ANO2: variants seen among roughly 807,000 people sequenced by gnomAD.
The protein encoded by ANO2 is anoctamin-2.
In ANO2, 101 loss-of-function variants were observed where a neutral mutation model predicts 124.2. The observed-to-expected ratio is 0.81, with a 90% CI of 0.69 to 0.96. The LOEUF (loss-of-function observed/expected upper bound fraction) is 0.96, where lower values mean the gene tolerates loss of function less well. Ranked by LOEUF, ANO2 falls within the 40% of genes least tolerant of loss-of-function variation. The probability of loss-of-function intolerance (pLI) is 0.00; values close to 1 mark genes in which losing one functional copy is unlikely to be tolerated. For missense variants in ANO2, 1,293 were observed against 1,274.5 expected, an observed-to-expected ratio of 1.01 and a Z score of -0.22; for synonymous variants, 486 against 482.5, an observed-to-expected ratio of 1.01 and a Z score of -0.09.
Position 5,750,945 on chromosome 12 carries a change from G to A in ANO2, c.1081C>T (p.Leu361=), listed in dbSNP as rs1951416927. Residue 361 remains leucine, a synonymous_variant, in exon 11 of 25, where the codon CTG becomes TTG. Transcript: ENST00000682330. ...TATAATCCCAGCCAGGCAAAATACA[G>A]TCCAATTTTTTCTCCAAAATACTTT... The part of the protein sequence containing the change: ...IRKYFGEKIG[L]YFAWLGLYTS... 1 of 1,604,858 alleles carries A rather than the reference G, an allele frequency of 6.2e-7. No homozygotes were observed. Among genetic ancestry groups the A allele is most frequent in the Non-Finnish European group, 8.5e-7 (1 of 1,175,484 alleles).
intron 10 of ANO2, among the ~76,000 whole-genome samples, chr12:5,752,769 C>T (rs781187944): frequency 2.0e-5 from 3 of 152,102 alleles, no homozygotes; most frequent in Admixed American, 6.5e-5. Context: ...GTTGCTTGTG[C>T]TTTCTGTGCC....
chr12:5,687,070 T>C (rs546767152), intron 14 of ANO2, among the ~76,000 whole-genome samples: 38 of 152,124 alleles, frequency 2.5e-4, no homozygotes, highest in Non-Finnish European at 4.6e-4. Flanking sequence ...ATCTAGGAAA[T>C]ATAGAAAATC....
intron 16 of ANO2, among the ~76,000 whole-genome samples, chr12:5,621,594 A>C (rs1007035252): frequency 6.6e-6 from 1 of 152,188 alleles, no homozygotes; most frequent in Non-Finnish European, 1.5e-5. Context: ...GGGAATTTTC[A>C]TTAAGTGCTG....
At chr12:5,885,753 G>A (rs777205640) in intron 3 of ANO2, among the ~76,000 whole-genome samples, 3 of 152,100 alleles carry the variant, frequency 2.0e-5, no homozygotes, top group Non-Finnish European at 4.4e-5. Context: ...GGGATATTGA[G>A]GACTGTCCAT....
chr12:5,796,187 ACT>A (rs754902231), intron 10 of ANO2, among the ~76,000 whole-genome samples: 14 of 150,360 alleles, frequency 9.3e-5, no homozygotes, highest in East Asian at 7.9e-4. Flanking sequence ...TCATGCACAC[ACT>A]CTCTCACATA....
rs144218083 is a variant in ANO2, at chr12:5,564,083, T to G, written c.2728-515A>C. 5.3e-5 allele frequency among the ~76,000 whole-genome samples: 8 copies of G among 152,342 alleles called. No homozygotes were observed. The East Asian group carries it at 1.5e-3, about 29-fold the overall frequency. ...CTATCCTCTACACTAGAGACGGACT[T>G]GAGGTTTTTGCCTTGACTTCGGGCC... On this transcript the variant is annotated intron_variant, in intron 24 of 24. Transcript: ENST00000682330.
chr12:5,794,854 G>C (rs930107635), intron 10 of ANO2, among the ~76,000 whole-genome samples: 1 of 152,194 alleles, frequency 6.6e-6, no homozygotes, highest in African/African-American at 2.4e-5. Context: ...GAAAAATCAA[G>C]GAGAAAGCAG....
chr12:5,872,550 A>T (rs1591722423), intron 3 of ANO2, among the ~76,000 whole-genome samples: 1 of 152,304 alleles, frequency 6.6e-6, no homozygotes, highest in South Asian at 2.1e-4. Flanking sequence ...AAGAGCCTCA[A>T]ATCATGCTAC....
intron 20 of ANO2, among the ~76,000 whole-genome samples, chr12:5,589,064 G>A (rs1004024216): frequency 6.6e-6 from 1 of 152,234 alleles, no homozygotes; most frequent in African/African-American, 2.4e-5. Context: ...AGACGAGGGT[G>A]CAGAGAAATC....
chr12:5,644,024 C>T (rs1222627182), intron 15 of ANO2, among the ~76,000 whole-genome samples: 1 of 152,122 alleles, frequency 6.6e-6, no homozygotes, highest in Non-Finnish European at 1.5e-5. Flanking sequence ...ATTCTTAATT[C>T]TAATATAGTC....
chr12:5,676,478 T>C (rs1356525726), intron 14 of ANO2, among the ~76,000 whole-genome samples: 1 of 152,152 alleles, frequency 6.6e-6, no homozygotes, highest in East Asian at 1.9e-4. Context: ...TCTCGTTTTA[T>C]TTACACCCAC....
At chr12:5,834,291 C>G (rs1954248300) in intron 4 of ANO2, among the ~76,000 whole-genome samples, 2 of 152,234 alleles carry the variant, frequency 1.3e-5, no homozygotes, top group Admixed American at 1.3e-4. Flanking sequence ...CGCTCTGACT[C>G]AAAATCCTAT....
intron 20 of ANO2, among the ~76,000 whole-genome samples, chr12:5,596,773 C>G (rs1402476623): frequency 6.6e-6 from 1 of 152,172 alleles, no homozygotes; most frequent in African/African-American, 2.4e-5. Flanking sequence ...CCTCAGGCTT[C>G]AAGACCATTA....
rs1250649084 is a variant in ANO2 at position 5,767,810 on chromosome 12, G to A, written c.1056-16840C>T. ...TTTATCCTTCTGATGGAAAAGTGGAGGGCCTCTCTGGCCCACAGGCTGTGG... is the reference window on the plus strand; with the variant it reads ...TTTATCCTTCTGATGGAAAAGTGGAAGGCCTCTCTGGCCCACAGGCTGTGG... On this transcript the variant is annotated intron_variant, in intron 10 of 24. Transcript: ENST00000682330. 3.9e-5 allele frequency among the ~76,000 whole-genome samples: 6 copies of A among 152,280 alleles called. No homozygotes were observed. In the East Asian group the frequency reaches 5.8e-4, roughly 15 times the overall value.
At chr12:5,577,502 C>T (rs767468168) in intron 22 of ANO2, among the ~76,000 whole-genome samples, 22 of 152,350 alleles carry the variant, frequency 1.4e-4, no homozygotes, top group African/African-American at 3.1e-4. Flanking sequence ...TCTTAACCTA[C>T]GCAGTGCCAG....
chr12:5,656,476 GC>G (rs35082070), intron 14 of ANO2, among the ~76,000 whole-genome samples: 58,753 of 151,950 alleles, frequency 0.39, 12,423 homozygotes, highest in African/African-American at 0.53. Context: ...CATTTGATCA[GC>G]CCCAGTTGTC....
At chr12:5,808,725 A>C (rs1475411453) in intron 7 of ANO2, among the ~76,000 whole-genome samples, 1 of 152,202 alleles carries the variant, frequency 6.6e-6, no homozygotes, top group Non-Finnish European at 1.5e-5. Flanking sequence ...GAGGTTGGAT[A>C]ACAAATCTAG....
rs956907767 is a variant in ANO2 at position 5,862,976 on chromosome 12, T to G, written c.535-8835A>C. Among the ~76,000 whole-genome samples the G allele has an allele frequency of 6.6e-6, 1 of 152,020 alleles. No individual in the cohort carries two copies. Among genetic ancestry groups the G allele is most frequent in the African/African-American group, 2.4e-5 (1 of 41,396 alleles). ...CAGCTAATTTTTTGTATTTTTTTCT[T>G]TTTTTTAGTAGAGACGGTGAGGGGA... On this transcript the variant is annotated intron_variant, in intron 3 of 24. Coordinates refer to ENST00000682330, the MANE Select transcript of ANO2 (RefSeq NM_001364791.2). The surrounding 1 kb of genome is among the most constrained non-coding windows in gnomAD (Gnocchi z 4.0).
chr12:5,824,722 T>C (rs1565699623), intron 7 of ANO2, among the ~76,000 whole-genome samples: 1 of 152,170 alleles, frequency 6.6e-6, no homozygotes, highest in Non-Finnish European at 1.5e-5. Flanking sequence ...ACTCTATTGG[T>C]ACCAATTTAC....
Sources: allele counts gnomAD v4.1 joint callset (sites outside exome capture counted in the v4.1 genomes callset), GRCh38; gene constraint gnomAD v4.1.1; non-coding constraint Gnocchi (gnomAD v3.1); transcripts MANE v1.5; gene names NCBI Gene and HGNC (gene_info 2026-07-23, HGNC 2026-07-21).